CENPP: variants seen among roughly 807,000 people sequenced by gnomAD.
CENPP encodes the protein centromere protein P.
A neutral mutation model predicts 35.6 loss-of-function variants in CENPP; 24 were observed. The ratio of observed to expected loss-of-function variants is 0.67; its 90% CI spans 0.49 to 0.95. The LOEUF (loss-of-function observed/expected upper bound fraction) is 0.95, where lower values mean the gene tolerates loss of function less well. CENPP is among the 40% of genes least tolerant of loss of function. The pLI is 0.00. For synonymous variants in CENPP, 120 were observed against 125.5 expected, an observed-to-expected ratio of 0.96 and a Z score of 0.29; for missense variants, 332 against 345.3, an observed-to-expected ratio of 0.96 and a Z score of 0.31.
intron 5 of CENPP, chr9:92,457,054 A>C: frequency 7.7e-7 from 1 of 1,297,202 alleles, no homozygotes; most frequent in Non-Finnish European, 9.8e-7. Context: ...ATGTAAGATC[A>C]TTTGTACGCA....
chr9:92,429,168 C>T (rs904065839), intron 5 of CENPP, among the ~76,000 whole-genome samples: 1 of 152,158 alleles, frequency 6.6e-6, no homozygotes, highest in African/African-American at 2.4e-5. Flanking sequence ...ACAGTACCCT[C>T]CAATGTGCAT....
intron 5 of CENPP, among the ~76,000 whole-genome samples, chr9:92,582,505 G>A (rs1268717053): frequency 2.0e-5 from 3 of 151,986 alleles, no homozygotes; most frequent in Non-Finnish European, 2.9e-5. Context: ...GTGTAAAACT[G>A]AAAAATTCAC....
intron 5 of CENPP, among the ~76,000 whole-genome samples, chr9:92,521,689 T>C (rs1042012894): frequency 2.0e-5 from 3 of 152,194 alleles, no homozygotes; most frequent in Non-Finnish European, 1.5e-5. Context: ...TTGAAATCTT[T>C]AGCAGAATTT....
intron 5 of CENPP, among the ~76,000 whole-genome samples, chr9:92,552,166 ATGTGATATGATAGATCTAT>A (rs1564000354): frequency 2.1e-4 from 27 of 130,508 alleles, no homozygotes; most frequent in Non-Finnish European, 3.0e-4. Context: ...TATCATATAT[ATGTGATATGATAGATCTAT>A]CATATACACA....
At chr9:92,462,435 GA>G (rs1246298902) in intron 5 of CENPP, among the ~76,000 whole-genome samples, 1 of 152,182 alleles carries the variant, frequency 6.6e-6, no homozygotes, top group African/African-American at 2.4e-5. Flanking sequence ...GAATGAAAGG[GA>G]CTGACCAGAA....
At chr9:92,407,808 C>T (rs574621034) in intron 5 of CENPP, among the ~76,000 whole-genome samples, 159 of 152,128 alleles carry the variant, frequency 1.0e-3, no homozygotes, top group African/African-American at 3.7e-3. Flanking sequence ...AGACGGGGTC[C>T]TCTTATGTTA....
chr9:92,346,768 T>A (rs1223645439), intron 4 of CENPP, among the ~76,000 whole-genome samples: 1 of 152,158 alleles, frequency 6.6e-6, no homozygotes, highest in Admixed American at 6.5e-5. Flanking sequence ...GATACTTAGC[T>A]AGATGGATTT....
chr9:92,466,480 T>C (rs748558453), intron 5 of CENPP: 7 of 1,613,336 alleles, frequency 4.3e-6, no homozygotes, highest in East Asian at 4.5e-5. Flanking sequence ...ACTTAGTTGA[T>C]TGTGGGACAG....
Position 92,611,357 on chromosome 9 carries a change from C to T in CENPP, c.608C>T (p.Ser203Phe), listed in dbSNP as rs746847308. 3.3e-5 allele frequency: 53 copies of T among 1,613,616 alleles called. No individual in the cohort carries two copies. The highest frequency in any genetic ancestry group is 4.3e-5 in the Non-Finnish European group (51 of 1,180,030). Residue 203 changes from serine to phenylalanine, a missense_variant, in exon 6 of 8, where the codon TCC becomes TTC. Coordinates refer to ENST00000375587, the MANE Select transcript of CENPP (RefSeq NM_001012267.3). ...GTGTACCTCTCGGAGGGGCCCTCCT[C>T]CTGCTCCATGGGGATCCGCAGCGCC... is the stretch of plus-strand genomic sequence containing the variant. ...DAVYLSEGPS[S>F]CSMGIRSASR...
At chr9:92,325,673 C>T, upstream of CENPP, 1 of 311,824 alleles carries the variant, frequency 3.2e-6, no homozygotes, top group Non-Finnish European at 6.1e-6. Context: ...AGGCACGCGG[C>T]CGGGCGGCTC....
intron 5 of CENPP, among the ~76,000 whole-genome samples, chr9:92,394,636 G>A (rs948700138): frequency 7.3e-5 from 11 of 151,084 alleles, no homozygotes; most frequent in East Asian, 1.9e-4. Flanking sequence ...ATGAAGTCTC[G>A]CTTCGTCACC....
At chr9:92,523,079 C>CA (rs1848178520) in intron 5 of CENPP, among the ~76,000 whole-genome samples, 1 of 144,494 alleles carries the variant, frequency 6.9e-6, no homozygotes, top group Admixed American at 7.0e-5. Flanking sequence ...AATCAAAAAA[C>CA]TTTTTTTTTT....
intron 5 of CENPP, among the ~76,000 whole-genome samples, chr9:92,435,308 T>C (rs976697941): frequency 2.0e-5 from 3 of 151,440 alleles, no homozygotes; most frequent in Non-Finnish European, 4.4e-5. Context: ...TTTCTCCTAT[T>C]ACCTTAGATT....
intron 1 of CENPP, among the ~76,000 whole-genome samples, chr9:92,331,933 G>A (rs952982010): frequency 6.6e-6 from 1 of 152,098 alleles, no homozygotes; most frequent in Non-Finnish European, 1.5e-5. Flanking sequence ...GGGTGACAGC[G>A]TAAGACCCTC....
chr9:92,517,472 T>C (rs1847799611), intron 5 of CENPP: 1 of 639,864 alleles, frequency 1.6e-6, no homozygotes, highest in South Asian at 2.0e-5. Context: ...TTACTGAATC[T>C]GATAGAGCTA....
intron 5 of CENPP, among the ~76,000 whole-genome samples, chr9:92,537,781 T>C (rs1849222264): frequency 6.6e-6 from 1 of 152,176 alleles, no homozygotes; most frequent in Non-Finnish European, 1.5e-5. Flanking sequence ...TTTCTCAATC[T>C]CAGTAACAGT....
At chr9:92,600,518 G>A (rs1850883822) in intron 5 of CENPP, 1 of 1,612,780 alleles carries the variant, frequency 6.2e-7, no homozygotes, top group Non-Finnish European at 8.5e-7. Flanking sequence ...GGTAAGTGCT[G>A]AGGGCTGGGC....
chr9:92,460,287 G>T (rs1845056054), intron 5 of CENPP, among the ~76,000 whole-genome samples: 1 of 152,046 alleles, frequency 6.6e-6, no homozygotes, highest in Admixed American at 6.6e-5. Context: ...GCCCGCCTTG[G>T]CCTCCCAAAG....
intron 5 of CENPP, among the ~76,000 whole-genome samples, chr9:92,533,328 A>AAAAAAAAAAATATATAT (rs1554683138): frequency 2.3e-4 from 9 of 38,320 alleles, no homozygotes; most frequent in Non-Finnish European, 3.8e-4. Context: ...AAAAAAAAAA[A>AAAAAAAAAAATATATAT]ATATATATAT....
Sources: allele counts gnomAD v4.1 joint callset (sites outside exome capture counted in the v4.1 genomes callset), GRCh38; gene constraint gnomAD v4.1.1; transcripts MANE v1.5; gene names NCBI Gene and HGNC (gene_info 2026-07-23, HGNC 2026-07-21).